DSG4: variants seen among roughly 807,000 people sequenced by gnomAD.
DSG4 encodes the protein desmoglein 4, also known as desmoglein-4.
A neutral mutation model predicts 93.1 loss-of-function variants in DSG4; 87 were observed. That is an observed-to-expected ratio of 0.93 (90% CI 0.79 to 1.12). The LOEUF (loss-of-function observed/expected upper bound fraction) is 1.12, where lower values mean the gene tolerates loss of function less well. DSG4 is among the 50% of genes most tolerant of loss of function. The pLI, the probability that DSG4 is intolerant of heterozygous loss-of-function variation, is 0.00. For missense variants in DSG4, 1,373 were observed against 1,285.7 expected (o/e 1.07, Z -1.04); for synonymous variants, 432 against 452.9 (o/e 0.95, Z 0.59).
chr18:31,411,525 A>G, intron 15 of DSG4, 77 bp downstream of exon 15: 1 of 1,517,524 alleles, frequency 6.6e-7, no homozygotes, highest in Non-Finnish European at 9.0e-7. Context: ...CAATGGTAGT[A>G]GGCCTCTTCG....
At chr18:31,377,008 G>T (rs1190950849) in intron 1 of DSG4, 49 bp downstream of exon 1, 1 of 1,592,338 alleles carries the variant, frequency 6.3e-7, no homozygotes, top group Non-Finnish European at 8.6e-7. Context: ...TCAAGGTCTT[G>T]TCTCTGTCAA....
At chr18:31,385,923 C>T (rs554653031) in intron 2 of DSG4, among the ~76,000 whole-genome samples, 13 of 152,200 alleles carry the variant, frequency 8.5e-5, no homozygotes, top group Admixed American at 1.3e-4. Flanking sequence ...AAAATAAATA[C>T]GTGCATATAT....
intron 3 of DSG4, among the ~76,000 whole-genome samples, chr18:31,387,394 C>A (rs894398252): frequency 1.3e-5 from 2 of 152,272 alleles, no homozygotes; most frequent in South Asian, 4.1e-4. Context: ...GTAAAGTGAT[C>A]TGCAGAATTC....
At chr18:31,380,806 T>C (rs1429333672) in intron 1 of DSG4, among the ~76,000 whole-genome samples, 2 of 152,228 alleles carry the variant, frequency 1.3e-5, no homozygotes, top group Admixed American at 6.5e-5. Context: ...AGCCTTGTTC[T>C]GTAGCTACTA....
At position 31,398,925 on chromosome 18, in the gene DSG4, A is replaced by G. The variant is rs2072334023; in HGVS notation, c.1006-347A>G. Among the ~76,000 whole-genome samples the G allele has an allele frequency of 2.0e-5, 3 of 152,300 alleles. No homozygotes were observed. The South Asian group carries it at 6.2e-4, about 32-fold the overall frequency. On this transcript the variant is annotated intron_variant, in intron 8 of 15. Coordinates refer to ENST00000308128, the MANE Select transcript of DSG4 (RefSeq NM_177986.5). ...TTTATTTATTCATTCAATAGTGTGA[A>G]CAGTTTTTATTTTATTCTAAAGCTT... is the stretch of plus-strand genomic sequence containing the variant.
At position 31,403,547 on chromosome 18, in the gene DSG4, G is replaced by T; in HGVS notation, c.1549G>T (p.Glu517Ter). 1 of 1,614,016 alleles carries T rather than the reference G, an allele frequency of 6.2e-7. No individual in the cohort carries two copies. Among genetic ancestry groups the T allele is most frequent in the Non-Finnish European group, 8.5e-7 (1 of 1,179,970 alleles). ...DSPSVLISVN[E>*]HSYGSPFTFC... ...TCCATCAGTCCTTATCTCTGTTAAT[G>T]AACATTCTTATGGGTCTCCGTTTAC... The change falls in exon 11 of 16, where the codon GAA becomes TAA. Residue 517 changes from glutamate to a stop codon, truncating the protein, a stop_gained. Coordinates refer to ENST00000308128, the MANE Select transcript of DSG4 (RefSeq NM_177986.5). LOFTEE classifies it high-confidence loss of function.
intron 1 of DSG4, among the ~76,000 whole-genome samples, chr18:31,383,713 C>A (rs918987339): frequency 6.6e-6 from 1 of 152,126 alleles, no homozygotes; most frequent in African/African-American, 2.4e-5. Flanking sequence ...TCTCCCAAAT[C>A]CCCCTTAAAA....
intron 14 of DSG4, among the ~76,000 whole-genome samples, chr18:31,410,514 T>C (rs1436624426): frequency 6.6e-6 from 1 of 151,964 alleles, no homozygotes; most frequent in African/African-American, 2.4e-5. Flanking sequence ...TAATACAAGC[T>C]GTTTTTTTTT....
rs1391254540 is a variant in DSG4, at chr18:31,386,670, G to A, written c.85-18G>A. 1 of 1,612,442 alleles carries A rather than the reference G, an allele frequency of 6.2e-7. No individual in the cohort carries two copies. Among genetic ancestry groups the A allele is most frequent in the Admixed American group, 1.7e-5 (1 of 59,944 alleles). ...ATTGTTCTCACACTGTAAGACACCT[G>A]AACCATTTTTGCTTAAGGTGAAGGA... On this transcript the variant is annotated intron_variant, in intron 2 of 15. Coordinates refer to ENST00000308128, the MANE Select transcript of DSG4 (RefSeq NM_177986.5).
intron 8 of DSG4, among the ~76,000 whole-genome samples, chr18:31,397,174 A>G (rs1297192811): frequency 1.3e-5 from 2 of 152,338 alleles, no homozygotes; most frequent in Non-Finnish European, 2.9e-5. Flanking sequence ...CGTAGCTTCT[A>G]TACTACAATT....
rs191806896 is a variant in DSG4 at position 31,403,494 on chromosome 18, C to T, written c.1496C>T (p.Pro499Leu). 5.6e-6 allele frequency: 9 copies of T among 1,613,984 alleles called. No homozygotes were observed. Among genetic ancestry groups the T allele is most frequent in the African/African-American group, 4.0e-5 (3 of 75,018 alleles). The change falls in exon 11 of 16, where the codon CCT becomes CTT. Residue 499 changes from proline (P) to leucine (L), a missense_variant. Transcript: ENST00000308128. ...DINDYCPNIF[P>L]ERRTICIDSP... ...AATGATTATTGTCCAAACATTTTTC[C>T]TGAAAGAAGAACCATCTGCATTGAC... is the stretch of plus-strand genomic sequence containing the variant.
In DSG4 at chr18:31,413,055, T is replaced by C. The variant is rs748035421; in HGVS notation, c.2583T>C (p.Cys861=). The C allele has an allele frequency of 6.2e-7, 1 of 1,614,216 alleles. No individual in the cohort carries two copies. The highest frequency in any genetic ancestry group is 8.5e-7 in the Non-Finnish European group (1 of 1,180,042). Residue 861 remains cysteine, a synonymous_variant, in exon 16 of 16, where the codon TGT becomes TGC. Coordinates refer to ENST00000308128, the MANE Select transcript of DSG4 (RefSeq NM_177986.5). The part of the protein sequence containing the change: ...EIEPFPSHQA[C]IPISTDLPLL... ...AACCATTTCCTTCACACCAGGCTTG[T>C]ATACCAATCAGTACTGACCTCCCTT...
chr18:31,413,021 C>T lies in DSG4; in HGVS notation c.2549C>T (p.Thr850Ile). The change falls in exon 16 of 16, where the codon ACA becomes ATA. Residue 850 changes from threonine (T) to isoleucine (I), a missense_variant. Physicochemically the swap from Thr to Ile is moderately conservative, Grantham distance 89. Transcript: ENST00000308128. ...ACTCTTGCTGAGATCTGCTTAAACA[C>T]AGAAATTGAACCATTTCCTTCACAC... The part of the protein sequence containing the change: ...FRTLAEICLN[T>I]EIEPFPSHQA... The T allele has an allele frequency of 6.2e-7, 1 of 1,614,180 alleles. No individual in the cohort carries two copies. Among genetic ancestry groups the T allele is most frequent in the Non-Finnish European group, 8.5e-7 (1 of 1,180,034 alleles).
chr18:31,403,356 G>A lies in DSG4; in HGVS notation c.1418-60G>A, dbSNP rs974811962. 18 of 1,377,838 alleles carry A rather than the reference G, an allele frequency of 1.3e-5. No individual in the cohort carries two copies. The African/African-American group carries it at 1.7e-4, about 13-fold the overall frequency. The allele number at this position is 1,377,838 out of a possible 1,614,324, so 85.4% of individuals were successfully genotyped here. Reference sequence around the variant, plus strand: ...GTTCCATGGCATCATCAGGGGATATGAGAAAGAGTTTTCTCCCTAACACCA... The same window carrying A: ...GTTCCATGGCATCATCAGGGGATATAAGAAAGAGTTTTCTCCCTAACACCA... On this transcript the variant is annotated intron_variant, in intron 10 of 15. Coordinates refer to ENST00000308128, the MANE Select transcript of DSG4 (RefSeq NM_177986.5).
At chr18:31,389,772 G>C (rs2072228373) in intron 5 of DSG4, among the ~76,000 whole-genome samples, 1 of 152,002 alleles carries the variant, frequency 6.6e-6, no homozygotes, top group Non-Finnish European at 1.5e-5. Context: ...GGAAATAATA[G>C]GAAAAATAAA....
rs150410074 is a variant in DSG4 at position 31,379,953 on chromosome 18, C to T, written c.48+2994C>T. Among the ~76,000 whole-genome samples the T allele has an allele frequency of 2.4e-4, 37 of 152,256 alleles. 1 individual carries two copies. In the South Asian group the frequency reaches 5.6e-3, roughly 23 times the overall value. The stretch of plus-strand genomic sequence containing the variant: ...TACTGCTTATTACAGAAAGAATGTA[C>T]TCATCACCGCAAAGGTTACATCGAA... On this transcript the variant is annotated intron_variant, in intron 1 of 15. Coordinates refer to ENST00000308128, the MANE Select transcript of DSG4 (RefSeq NM_177986.5).
intron 8 of DSG4, 83 bp downstream of exon 8, chr18:31,392,423 C>A: frequency 6.9e-7 from 1 of 1,442,260 alleles, no homozygotes; most frequent in Non-Finnish European, 9.5e-7. Flanking sequence ...ACAGAATCTG[C>A]CTTTAAAAAA....
chr18:31,403,636 T>C lies in DSG4; in HGVS notation c.1636+2T>C. ...TGTGGGATGTCAGATCAACAAATGGTAAGTGAAACGTAAGCTTGTTTTTTG... is the reference window on the plus strand; with the variant it reads ...TGTGGGATGTCAGATCAACAAATGGCAAGTGAAACGTAAGCTTGTTTTTTG... On this transcript the variant is annotated splice_donor_variant, in intron 11 of 15. Transcript: ENST00000308128. LOFTEE classifies it high-confidence loss of function. 8 of 1,613,912 alleles carry C rather than the reference T, an allele frequency of 5.0e-6. No individual in the cohort carries two copies. The highest frequency in any genetic ancestry group is 6.8e-6 in the Non-Finnish European group (8 of 1,179,838).
chr18:31,390,861 A>T, intron 6 of DSG4, 39 bp downstream of exon 6: 4 of 1,598,976 alleles, frequency 2.5e-6, no homozygotes, highest in Non-Finnish European at 2.6e-6. Flanking sequence ...TAAAAAATTC[A>T]ATTTTGAAAA....
Sources: allele counts gnomAD v4.1 joint callset (sites outside exome capture counted in the v4.1 genomes callset), GRCh38; gene constraint gnomAD v4.1.1; transcripts MANE v1.5; gene names NCBI Gene and HGNC (gene_info 2026-07-23, HGNC 2026-07-21).